The following UGT1A10 variants were observed in gnomAD, a reference collection of about 807,000 sequenced individuals.
UGT1A10 encodes the protein UDP glucuronosyltransferase family 1 member A10, also known as UDP-glucuronosyltransferase 1A10.
UGT1A10 carries 49 observed loss-of-function variants against 45.8 expected under a neutral mutation model. The observed-to-expected ratio is 1.07, with a 90% CI of 0.85 to 1.36. The LOEUF (loss-of-function observed/expected upper bound fraction) is 1.36. Ranked by LOEUF, UGT1A10 falls within the 40% of genes most tolerant of loss-of-function variation. The pLI is 0.00. For missense variants in UGT1A10, 745 were observed against 668.6 expected, an observed-to-expected ratio of 1.11 and a Z score of -1.26; for synonymous variants, 284 against 249.7, an observed-to-expected ratio of 1.14 and a Z score of -1.29.
At position 233,648,654 on chromosome 2, in the gene UGT1A10, C is replaced by T. The variant is rs577617193; in HGVS notation, c.855+11277C>T. The T allele has an allele frequency of 3.7e-4, 96 of 262,506 alleles. 1 individual carries two copies. Among genetic ancestry groups the T allele is most frequent in the Non-Finnish European group, 5.9e-4 (78 of 132,832 alleles). 16.3% of individuals were successfully genotyped at this position (262,506 alleles called of 1,614,324 possible). ...TTTTTTTTTGTATTTTTAGTGGAGA[C>T]GGGGTTTCACCGTGTTAGCCAGGAT... is the stretch of plus-strand genomic sequence containing the variant. On this transcript the variant is annotated intron_variant, in intron 1 of 4. Coordinates refer to ENST00000344644, the MANE Select transcript of UGT1A10 (RefSeq NM_019075.4).
chr2:233,746,054 T>C (rs1380596465), intron 1 of UGT1A10, among the ~76,000 whole-genome samples: 1 of 151,656 alleles, frequency 6.6e-6, no homozygotes, highest in Non-Finnish European at 1.5e-5. Flanking sequence ...ATGCAGGGTC[T>C]AGAACGAAAA....
At chr2:233,675,891 C>T (rs1044519519) in intron 1 of UGT1A10, among the ~76,000 whole-genome samples, 9 of 152,098 alleles carry the variant, frequency 5.9e-5, no homozygotes, top group African/African-American at 1.4e-4. Flanking sequence ...ATATCATTAT[C>T]ATATCTAAGA....
intron 1 of UGT1A10, among the ~76,000 whole-genome samples, chr2:233,714,731 C>T (rs1234277982): frequency 6.6e-6 from 1 of 152,142 alleles, no homozygotes; most frequent in Non-Finnish European, 1.5e-5. Context: ...GTTAAGTCTT[C>T]AAAATCTAGC....
intron 1 of UGT1A10, chr2:233,754,823 A>T (rs1695601999): frequency 7.5e-7 from 1 of 1,338,226 alleles, no homozygotes; most frequent in South Asian, 1.2e-5. Flanking sequence ...CACCCTCAAA[A>T]GCTGGAAATT....
At chr2:233,746,438 T>A (rs1187941624) in intron 1 of UGT1A10, among the ~76,000 whole-genome samples, 3 of 151,694 alleles carry the variant, frequency 2.0e-5, no homozygotes, top group Admixed American at 1.3e-4. Flanking sequence ...TGTCTTCAGC[T>A]TAAAAAGAAA....
At chr2:233,690,893 G>T (rs2075019980) in intron 1 of UGT1A10, 20 of 1,043,820 alleles carry the variant, frequency 1.9e-5, no homozygotes, top group Middle Eastern at 4.5e-4. Flanking sequence ...TCAAGGGATG[G>T]TATGCATAGT....
intron 1 of UGT1A10, chr2:233,747,635 G>C: frequency 7.6e-6 from 12 of 1,581,768 alleles, no homozygotes; most frequent in Non-Finnish European, 1.0e-5. Context: ...TCAGGCACCT[G>C]AATGCTACTT....
At chr2:233,662,391 A>G (rs1443737937) in intron 1 of UGT1A10, among the ~76,000 whole-genome samples, 1 of 152,154 alleles carries the variant, frequency 6.6e-6, no homozygotes, top group Non-Finnish European at 1.5e-5. Context: ...TAATATATTT[A>G]TTGCAACAAA....
chr2:233,745,008 A>G (rs552050904), intron 1 of UGT1A10, among the ~76,000 whole-genome samples: 2 of 151,846 alleles, frequency 1.3e-5, no homozygotes, highest in Non-Finnish European at 2.9e-5. Flanking sequence ...TTACCTAATA[A>G]ATGTAAATGC....
chr2:233,729,681 A>C (rs200127379), intron 1 of UGT1A10: 1 of 1,613,946 alleles, frequency 6.2e-7, no homozygotes. Flanking sequence ...TTAAGGGCAC[A>C]CAGTGTCCAA....
At chr2:233,741,532 A>C (rs1691693869) in intron 1 of UGT1A10, 1 of 151,938 alleles carries the variant, frequency 6.6e-6, no homozygotes, top group Non-Finnish European at 1.5e-5. Flanking sequence ...AGTCTGTCTT[A>C]TTCTGATACT....
intron 1 of UGT1A10, among the ~76,000 whole-genome samples, chr2:233,645,396 C>T (rs1054970009): frequency 6.6e-6 from 1 of 152,176 alleles, no homozygotes; most frequent in Admixed American, 6.5e-5. Flanking sequence ...CCAATCATGC[C>T]CTCCCAACAG....
intron 1 of UGT1A10, among the ~76,000 whole-genome samples, chr2:233,638,936 A>C (rs2073375996): frequency 6.6e-6 from 1 of 152,218 alleles, no homozygotes; most frequent in South Asian, 2.1e-4. Flanking sequence ...TGGACTTATC[A>C]AAGCACTTTT....
rs149398312 is a variant in UGT1A10 at position 233,672,418 on chromosome 2, T to C, written c.855+35041T>C. On this transcript the variant is annotated intron_variant, in intron 1 of 4. Coordinates refer to ENST00000344644, the MANE Select transcript of UGT1A10 (RefSeq NM_019075.4). ...TGGCTTAATTGTTGCCAAATATTTC[T>C]CCCTCCCCTCCGTGGTCTTCGCCAG... The C allele has an allele frequency of 4.3e-6, 7 of 1,613,894 alleles. No homozygotes were observed. In the African/African-American group the frequency reaches 9.3e-5, roughly 22 times the overall value.
chr2:233,693,267 A>G lies in UGT1A10; in HGVS notation c.855+55890A>G, dbSNP rs759897162. The G allele has an allele frequency of 1.2e-5, 19 of 1,614,050 alleles. No individual in the cohort carries two copies. In the Admixed American group the frequency reaches 3.2e-4, roughly 27 times the overall value. ...GTGCCGTATGACCAAGAAGAGCTGAAGAACCGTTACCAATCATTTGGAAAC... is the reference window on the plus strand; with the variant it reads ...GTGCCGTATGACCAAGAAGAGCTGAGGAACCGTTACCAATCATTTGGAAAC... On this transcript the variant is annotated intron_variant, in intron 1 of 4. Transcript: ENST00000344644.
At chr2:233,693,025 A>G in intron 1 of UGT1A10, 1 of 1,614,122 alleles carries the variant, frequency 6.2e-7, no homozygotes, top group Non-Finnish European at 8.5e-7. Context: ...TCCTTCGCTC[A>G]TTTCAGAGAA....
At chr2:233,682,048 C>T (rs1480483595) in intron 1 of UGT1A10, 1 of 1,614,002 alleles carries the variant, frequency 6.2e-7, no homozygotes, top group Non-Finnish European at 8.5e-7. Context: ...ATGGGAGCCA[C>T]TGGTTCACCA....
In UGT1A10 at chr2:233,679,135, G is replaced by A. The variant is rs1171081572; in HGVS notation, c.855+41758G>A. ...AAATTTCCTTAAGACACCTGATTGAGAGACTGAATTAGAGATGTTGGGTTT... is the reference window on the plus strand; with the variant it reads ...AAATTTCCTTAAGACACCTGATTGAAAGACTGAATTAGAGATGTTGGGTTT... On this transcript the variant is annotated intron_variant, in intron 1 of 4. Transcript: ENST00000344644. Among the ~76,000 whole-genome samples, 5 of 152,174 alleles carry A rather than the reference G, an allele frequency of 3.3e-5. 1 individual carries two copies. The highest frequency in any genetic ancestry group is 2.0e-4 in the Admixed American group (3 of 15,276).
At chr2:233,719,560 A>C (rs1443276179) in intron 1 of UGT1A10, 1 of 1,613,812 alleles carries the variant, frequency 6.2e-7, no homozygotes, top group Admixed American at 1.7e-5. Context: ...TCAGTGGTGG[A>C]TCTTGTCAGC....
Sources: allele counts gnomAD v4.1 joint callset (sites outside exome capture counted in the v4.1 genomes callset), GRCh38; gene constraint gnomAD v4.1.1; transcripts MANE v1.5; gene names NCBI Gene and HGNC (gene_info 2026-07-23, HGNC 2026-07-21).